Variants in AUTS2 observed in about 807,000 individuals in gnomAD.
AUTS2 encodes activator of transcription and developmental regulator AUTS2.
Under a neutral mutation model 112.4 loss-of-function variants are expected in AUTS2, and 17 were observed. The observed-to-expected ratio is 0.15, with a 90% CI of 0.10 to 0.23. AUTS2 has a LOEUF of 0.23. Among genes scored for constraint, AUTS2 ranks in the 10% least tolerant of loss-of-function variants. AUTS2 has a pLI of 1.00. For missense variants in AUTS2, 1,510 were observed against 1,701.6 expected (o/e 0.89, Z 1.98); for synonymous variants, 751 against 702.7 (o/e 1.07, Z -1.09).
At chr7:70,770,168 G>C (rs1790245838) in intron 10 of AUTS2, among the ~76,000 whole-genome samples, 1 of 152,310 alleles carries the variant, frequency 6.6e-6, no homozygotes, top group African/African-American at 2.4e-5. Context: ...GGGGAATTAA[G>C]ATGCAATGCA....
chr7:70,181,496 T>A (rs1809300004), intron 4 of AUTS2, among the ~76,000 whole-genome samples: 1 of 151,908 alleles, frequency 6.6e-6, no homozygotes, highest in East Asian at 1.9e-4. Flanking sequence ...TTTTTTTCTT[T>A]TTTTTTTTGA....
chr7:70,169,468 C>G (rs545115043), intron 4 of AUTS2, among the ~76,000 whole-genome samples: 1 of 152,196 alleles, frequency 6.6e-6, no homozygotes, highest in African/African-American at 2.4e-5. Context: ...CTTTTGATCT[C>G]CCGACCTCAT....
intron 1 of AUTS2, among the ~76,000 whole-genome samples, chr7:69,820,241 C>T (rs1373986496): frequency 6.6e-6 from 1 of 152,212 alleles, no homozygotes; most frequent in Non-Finnish European, 1.5e-5. Context: ...AATCCCCCAA[C>T]ACTTACTCTC....
chr7:69,773,960 G>A (rs1265067725), intron 1 of AUTS2, among the ~76,000 whole-genome samples: 1 of 152,220 alleles, frequency 6.6e-6, no homozygotes, highest in African/African-American at 2.4e-5. Context: ...TTGTCTGCAG[G>A]GCCAAGTTGG....
chr7:70,182,670 A>G (rs552074724), intron 4 of AUTS2, among the ~76,000 whole-genome samples: 57 of 152,308 alleles, frequency 3.7e-4, no homozygotes, highest in Admixed American at 2.9e-3. Context: ...CTGACTCTCA[A>G]TAAGTGCTTG....
intron 2 of AUTS2, among the ~76,000 whole-genome samples, chr7:69,899,940 CG>C (rs1794906301): frequency 6.6e-6 from 1 of 152,020 alleles, no homozygotes; most frequent in African/African-American, 2.4e-5. Flanking sequence ...TTATATTTTC[CG>C]GGGAAGCTCA....
chr7:70,226,280 C>G (rs1305856937), intron 4 of AUTS2, among the ~76,000 whole-genome samples: 1 of 152,008 alleles, frequency 6.6e-6, no homozygotes, highest in Non-Finnish European at 1.5e-5. Flanking sequence ...CTCCACCTCC[C>G]AGGTTCATGC....
At chr7:70,113,499 T>C (rs1175824853) in intron 2 of AUTS2, among the ~76,000 whole-genome samples, 2 of 152,194 alleles carry the variant, frequency 1.3e-5, no homozygotes, top group Non-Finnish European at 2.9e-5. Context: ...TAAAATTTTC[T>C]TGAAAAAGGA....
chr7:70,290,570 G>T, intron 4 of AUTS2: 1 of 1,477,638 alleles, frequency 6.8e-7, no homozygotes, highest in South Asian at 1.4e-5. Flanking sequence ...AGATTCTGTT[G>T]ACTACTGTTA....
Position 70,560,394 on chromosome 7 carries a change from C to T in AUTS2, c.690+124613C>T, listed in dbSNP as rs1031359441. On this transcript the variant is annotated intron_variant, in intron 5 of 18. Transcript: ENST00000342771. ...GGACAGGGGTTTTGTCTGTCATATT[C>T]GCTGCTATATCTGATGTGCCTCCAA... 3.3e-5 allele frequency among the ~76,000 whole-genome samples: 5 copies of T among 152,284 alleles called. No homozygotes were observed. In the East Asian group the frequency reaches 5.8e-4, roughly 18 times the overall value.
chr7:70,459,472 C>G (rs1796875016), intron 5 of AUTS2, among the ~76,000 whole-genome samples: 1 of 152,222 alleles, frequency 6.6e-6, no homozygotes, highest in African/African-American at 2.4e-5. Flanking sequence ...GCTCACCACT[C>G]CGATAGCTAA....
chr7:70,345,937 T>C (rs1340611472), intron 4 of AUTS2, among the ~76,000 whole-genome samples: 1 of 152,172 alleles, frequency 6.6e-6, no homozygotes, highest in East Asian at 1.9e-4. Context: ...GTGTCCTGAA[T>C]CTGTGGTTTT....
intron 3 of AUTS2, among the ~76,000 whole-genome samples, chr7:70,127,493 A>T (rs1355947403): frequency 1.3e-5 from 2 of 152,088 alleles, no homozygotes; most frequent in South Asian, 4.1e-4. Flanking sequence ...TGTCAGCTTC[A>T]ACCTCACTTC....
chr7:70,350,918 T>C (rs1791722894), intron 4 of AUTS2, among the ~76,000 whole-genome samples: 1 of 152,164 alleles, frequency 6.6e-6, no homozygotes, highest in South Asian at 2.1e-4. Context: ...TTTTTGTTTC[T>C]ATGTCTTTGA....
At chr7:70,381,290 C>A (rs533899564) in intron 4 of AUTS2, among the ~76,000 whole-genome samples, 4 of 152,286 alleles carry the variant, frequency 2.6e-5, no homozygotes, top group African/African-American at 9.6e-5. Flanking sequence ...CAAAATCCAG[C>A]CAACATGGAC....
Position 70,761,946 on chromosome 7 carries a change from G to A in AUTS2, c.743-924G>A, listed in dbSNP as rs926428098. ...GATGGGAAACTTTATTTCAGTTCCCGTTTGCACCTTTGATCTCAGAAGTTG... is the reference window on the plus strand; with the variant it reads ...GATGGGAAACTTTATTTCAGTTCCCATTTGCACCTTTGATCTCAGAAGTTG... On this transcript the variant is annotated intron_variant, in intron 6 of 18. Coordinates refer to ENST00000342771, the MANE Select transcript of AUTS2 (RefSeq NM_015570.4). Among the ~76,000 whole-genome samples the A allele has an allele frequency of 1.2e-4, 18 of 152,284 alleles. No individual in the cohort carries two copies. The East Asian group carries it at 1.9e-3, about 16-fold the overall frequency.
chr7:70,167,185 C>G (rs748291771), intron 4 of AUTS2, among the ~76,000 whole-genome samples: 1 of 152,120 alleles, frequency 6.6e-6, no homozygotes, highest in Non-Finnish European at 1.5e-5. Context: ...ATGATTGCAC[C>G]ACTGCACTCC....
chr7:70,754,812 C>A (rs961084176), intron 6 of AUTS2, among the ~76,000 whole-genome samples: 1 of 152,122 alleles, frequency 6.6e-6, no homozygotes, highest in Non-Finnish European at 1.5e-5. Flanking sequence ...ATGGATGATG[C>A]ATGGATGGAT....
chr7:70,134,282 T>C (rs1455696278), intron 3 of AUTS2, among the ~76,000 whole-genome samples: 1 of 152,120 alleles, frequency 6.6e-6, no homozygotes, highest in Non-Finnish European at 1.5e-5. Context: ...TCAAATAAAT[T>C]GGCAATTACA....
Sources: allele counts gnomAD v4.1 joint callset (sites outside exome capture counted in the v4.1 genomes callset), GRCh38; gene constraint gnomAD v4.1.1; transcripts MANE v1.5; gene names NCBI Gene and HGNC (gene_info 2026-07-23, HGNC 2026-07-21).